The following FAR2 variants were observed in gnomAD, a reference collection of about 807,000 sequenced individuals.
FAR2 encodes epididymis secretory protein Li 81.
Under a neutral mutation model 56.0 loss-of-function variants are expected in FAR2, and 19 were observed. The observed-to-expected ratio is 0.34, with a 90% CI of 0.24 to 0.50. FAR2 has a LOEUF of 0.50. FAR2 is among the 20% of genes least tolerant of loss of function. The pLI is 0.98. For synonymous variants in FAR2, 219 were observed against 218.8 expected (o/e 1.00, Z -0.01); for missense variants, 508 against 642.2 (o/e 0.79, Z 2.26).
At chr12:29,163,608 A>G (rs1037441495) in intron 1 of FAR2, among the ~76,000 whole-genome samples, 3 of 152,230 alleles carry the variant, frequency 2.0e-5, no homozygotes, top group African/African-American at 7.2e-5. Context: ...GACTTAATAA[A>G]TATGATTTGA....
intron 6 of FAR2, among the ~76,000 whole-genome samples, 180 bp downstream of exon 6, chr12:29,309,410 GA>G (rs1436729783): frequency 6.6e-6 from 1 of 152,090 alleles, no homozygotes; most frequent in Non-Finnish European, 1.5e-5. Flanking sequence ...TATTCTTTGA[GA>G]ATTTTTTATC....
At chr12:29,165,982 A>C (rs1299147512) in intron 1 of FAR2, among the ~76,000 whole-genome samples, 1 of 152,218 alleles carries the variant, frequency 6.6e-6, no homozygotes, top group Admixed American at 6.5e-5. Context: ...GAAGTTGTAA[A>C]TTTCTTTCAT....
intron 1 of FAR2, among the ~76,000 whole-genome samples, chr12:29,268,351 A>G (rs1003219697): frequency 6.6e-6 from 1 of 152,162 alleles, no homozygotes; most frequent in African/African-American, 2.4e-5. Context: ...GTTTAGTTCA[A>G]AGCTCTCTGC....
At chr12:29,255,655 G>T (rs183264189) in intron 1 of FAR2, among the ~76,000 whole-genome samples, 8 of 149,800 alleles carry the variant, frequency 5.3e-5, no homozygotes, top group African/African-American at 9.8e-5. Flanking sequence ...ATGGAGTTTC[G>T]TTCTTGTTGC....
intron 10 of FAR2, among the ~76,000 whole-genome samples, chr12:29,324,220 C>T (rs1949604681): frequency 6.6e-6 from 1 of 152,096 alleles, no homozygotes; most frequent in South Asian, 2.1e-4. Flanking sequence ...AAGAAACGAC[C>T]AAAGCCTCCA....
At chr12:29,184,997 C>T (rs1216684940) in intron 1 of FAR2, among the ~76,000 whole-genome samples, 1 of 152,112 alleles carries the variant, frequency 6.6e-6, no homozygotes, top group Admixed American at 6.5e-5. Context: ...ACCTCAGTTT[C>T]CTCTTAATAA....
Position 29,215,686 on chromosome 12 carries a change from A to G in FAR2, c.-38-54726A>G, listed in dbSNP as rs527570744. ...AGGTAATTATCATTAAATATTTTAG[A>G]ATCCAAACCACAGATTCTATGTTGG... On this transcript the variant is annotated intron_variant, in intron 1 of 11. Coordinates refer to ENST00000536681, the MANE Select transcript of FAR2 (RefSeq NM_001271783.2). 1.0e-3 allele frequency among the ~76,000 whole-genome samples: 152 copies of G among 152,316 alleles called. 1 individual carries two copies. Among genetic ancestry groups the G allele is most frequent in the African/African-American group, 3.5e-3 (146 of 41,582 alleles).
intron 2 of FAR2, among the ~76,000 whole-genome samples, chr12:29,286,354 C>T (rs1041410645): frequency 6.6e-6 from 1 of 152,190 alleles, no homozygotes; most frequent in Non-Finnish European, 1.5e-5. Flanking sequence ...GGTCTCTAAT[C>T]TCTAAGTCCA....
intron 1 of FAR2, among the ~76,000 whole-genome samples, chr12:29,164,439 T>G (rs1342931744): frequency 6.6e-6 from 1 of 152,216 alleles, no homozygotes; most frequent in Non-Finnish European, 1.5e-5. Flanking sequence ...CCTGTTCTTT[T>G]GTCCTCCACC....
At chr12:29,220,733 T>G (rs1489773219) in intron 1 of FAR2, among the ~76,000 whole-genome samples, 3 of 152,050 alleles carry the variant, frequency 2.0e-5, no homozygotes, top group African/African-American at 7.2e-5. Flanking sequence ...TCTTGCCTCC[T>G]CAGAAGAAAG....
chr12:29,324,814 A>C (rs1469567066), intron 10 of FAR2, among the ~76,000 whole-genome samples: 1 of 152,236 alleles, frequency 6.6e-6, no homozygotes, highest in African/African-American at 2.4e-5. Flanking sequence ...TGTAAGGATC[A>C]TCAAGGCTAG....
chr12:29,281,718 G>A (rs991795588), intron 2 of FAR2, among the ~76,000 whole-genome samples: 8 of 147,726 alleles, frequency 5.4e-5, no homozygotes, highest in African/African-American at 1.5e-4. Flanking sequence ...GAAAGAAGGT[G>A]TATACATTAG....
chr12:29,297,402 C>A (rs745417262), intron 4 of FAR2, among the ~76,000 whole-genome samples: 1 of 152,142 alleles, frequency 6.6e-6, no homozygotes, highest in Non-Finnish European at 1.5e-5. Context: ...ATAGAAAATT[C>A]TTAAACATTT....
intron 1 of FAR2, among the ~76,000 whole-genome samples, chr12:29,230,248 G>A (rs772774053): frequency 5.6e-4 from 85 of 152,096 alleles, no homozygotes; most frequent in Non-Finnish European, 6.0e-4. Context: ...TCCAGAGTGT[G>A]CAGGTGAGGT....
intron 3 of FAR2, among the ~76,000 whole-genome samples, chr12:29,295,756 A>ATTTTTTTTTT (rs61390530): frequency 2.3e-5 from 2 of 88,388 alleles, no homozygotes; most frequent in Non-Finnish European, 4.1e-5. Context: ...TTTTTACGTA[A>ATTTTTTTTTT]TTTTTTTTTT....
intron 1 of FAR2, among the ~76,000 whole-genome samples, chr12:29,187,390 G>T (rs895488911): frequency 1.3e-5 from 2 of 151,624 alleles, no homozygotes. Context: ...ACTTTCAATT[G>T]AAATAACCCT....
chr12:29,272,286 G>A (rs1396137876), intron 2 of FAR2, among the ~76,000 whole-genome samples: 1 of 152,072 alleles, frequency 6.6e-6, no homozygotes, highest in Non-Finnish European at 1.5e-5. Flanking sequence ...TGTAGGTTTG[G>A]TCTTTTTATG....
At chr12:29,258,060 G>C (rs1376372306) in intron 1 of FAR2, among the ~76,000 whole-genome samples, 1 of 151,972 alleles carries the variant, frequency 6.6e-6, no homozygotes, top group African/African-American at 2.4e-5. Flanking sequence ...AAAAATCACA[G>C]GGGCTGGGCA....
intron 1 of FAR2, among the ~76,000 whole-genome samples, chr12:29,249,299 G>C (rs992306860): frequency 6.6e-6 from 1 of 152,160 alleles, no homozygotes. Context: ...CGGTCCCTCC[G>C]TTTGGGGTCC....
Sources: gnomAD v4.1 joint callset for allele counts (sites outside exome capture counted in the v4.1 genomes callset) on GRCh38, gnomAD v4.1.1 for gene constraint, MANE v1.5 for transcripts, NCBI Gene and HGNC (gene_info 2026-07-23, HGNC 2026-07-21) for gene names.